The following RABGAP1L variants were observed in gnomAD, a reference collection of about 807,000 sequenced individuals.
RABGAP1L encodes the protein RAB GTPase activating protein 1 like, also known as rab GTPase-activating protein 1-like.
In RABGAP1L, 63 loss-of-function variants were observed where a neutral mutation model predicts 137.7. The ratio of observed to expected loss-of-function variants is 0.46; its 90% CI spans 0.37 to 0.56. The LOEUF is 0.56. Ranked by LOEUF, RABGAP1L falls within the 20% of genes least tolerant of loss-of-function variation. RABGAP1L has a pLI of 0.00. For missense variants in RABGAP1L, 1,095 were observed against 1,244.0 expected (o/e 0.88, Z 1.80); for synonymous variants, 431 against 433.7 (o/e 0.99, Z 0.08).
At chr1:174,281,794 A>G (rs766392961) in intron 10 of RABGAP1L, among the ~76,000 whole-genome samples, 9 of 152,152 alleles carry the variant, frequency 5.9e-5, no homozygotes, top group Non-Finnish European at 1.3e-4. Flanking sequence ...AGTTTTGACA[A>G]ATTTATACAC....
At chr1:174,414,221 C>T (rs1159142669) in intron 13 of RABGAP1L, among the ~76,000 whole-genome samples, 1 of 151,908 alleles carries the variant, frequency 6.6e-6, no homozygotes, top group East Asian at 1.9e-4. Context: ...CATGTTATCA[C>T]AGATCTTCAA....
intron 11 of RABGAP1L, among the ~76,000 whole-genome samples, chr1:174,327,881 A>G (rs1280681574): frequency 6.7e-6 from 1 of 150,118 alleles, no homozygotes; most frequent in Non-Finnish European, 1.5e-5. Context: ...CAAGTAAAAA[A>G]TTAGAAAAAG....
At chr1:174,904,759 C>T (rs942729471) in intron 19 of RABGAP1L, among the ~76,000 whole-genome samples, 5 of 152,112 alleles carry the variant, frequency 3.3e-5, no homozygotes, top group African/African-American at 1.2e-4. Flanking sequence ...AAGCAGTCCT[C>T]CTACCTCAGC....
In RABGAP1L at chr1:174,700,433, G is replaced by C. The variant is rs148326248; in HGVS notation, c.2025+783G>C. 2.6e-5 allele frequency: 4 copies of C among 152,398 alleles called. No homozygotes were observed. In the East Asian group the frequency reaches 7.7e-4, roughly 29 times the overall value. The allele number at this position is 152,398 out of a possible 1,614,324, so 9.4% of individuals were successfully genotyped here. A position where few individuals can be genotyped will look rare whatever the true frequency, so the allele number is the denominator to read the frequency against. Reference sequence around the variant, plus strand: ...TTCCATATTGGGGAAGGGTAAAATGGTTGAGGAAGGAGGTTCGTGGAATGT... The same window carrying C: ...TTCCATATTGGGGAAGGGTAAAATGCTTGAGGAAGGAGGTTCGTGGAATGT... On this transcript the variant is annotated intron_variant, in intron 16 of 25. Coordinates refer to ENST00000681986, the MANE Select transcript of RABGAP1L (RefSeq NM_001366446.1).
At chr1:174,891,634 T>TGGTACTTGGA (rs1193738735) in intron 19 of RABGAP1L, among the ~76,000 whole-genome samples, 4 of 152,228 alleles carry the variant, frequency 2.6e-5, no homozygotes, top group African/African-American at 9.6e-5. Flanking sequence ...CCCAAGTAGC[T>TGGTACTTGGA]GGTACTACAG....
At chr1:174,442,481 A>G (rs991889372) in intron 13 of RABGAP1L, among the ~76,000 whole-genome samples, 20 of 152,148 alleles carry the variant, frequency 1.3e-4, no homozygotes, top group Admixed American at 8.5e-4. Flanking sequence ...AGATTTTGGC[A>G]GTAACATGGT....
chr1:174,438,744 G>GTATATATA (rs71117563), intron 13 of RABGAP1L, among the ~76,000 whole-genome samples: 6,174 of 95,030 alleles, frequency 0.065, 286 homozygotes, highest in Middle Eastern at 0.099. Context: ...GTGTGTGTGT[G>GTATATATA]TATATATATA....
intron 5 of RABGAP1L, among the ~76,000 whole-genome samples, chr1:174,248,070 C>T (rs1170503040): frequency 6.6e-6 from 1 of 152,196 alleles, no homozygotes; most frequent in African/African-American, 2.4e-5. Context: ...TTACACTTGA[C>T]CTTGTAGGCA....
At chr1:174,249,218 C>T (rs779163817) in intron 5 of RABGAP1L, among the ~76,000 whole-genome samples, 16 of 152,122 alleles carry the variant, frequency 1.1e-4, no homozygotes, top group Non-Finnish European at 1.6e-4. Flanking sequence ...AAGACCATTT[C>T]AGCATTCATT....
rs150698776 is a variant in RABGAP1L at position 174,703,401 on chromosome 1, T to C, written c.2169+1145T>C. On this transcript the variant is annotated intron_variant, in intron 17 of 25. Transcript: ENST00000681986. ...TGGCCTCCAGTTCCATCCATGTTGC[T>C]GCTAATGACATGATTTTACTCTTTT... Among the ~76,000 whole-genome samples, 257 of 152,340 alleles carry C rather than the reference T, an allele frequency of 1.7e-3. 1 individual carries two copies. The highest frequency in any genetic ancestry group is 6.0e-3 in the African/African-American group (251 of 41,576).
intron 11 of RABGAP1L, among the ~76,000 whole-genome samples, chr1:174,365,494 C>A (rs1684532936): frequency 6.6e-6 from 1 of 151,972 alleles, no homozygotes; most frequent in Admixed American, 6.6e-5. Flanking sequence ...GCTTGCTGAG[C>A]AACTCAAGTT....
At chr1:174,513,782 C>G (rs1204998008) in intron 13 of RABGAP1L, among the ~76,000 whole-genome samples, 1 of 136,006 alleles carries the variant, frequency 7.4e-6, no homozygotes, top group Non-Finnish European at 1.5e-5. Context: ...TGGAATTTCT[C>G]TTAATGTTAT....
intron 19 of RABGAP1L, among the ~76,000 whole-genome samples, chr1:174,891,754 C>G (rs1285170871): frequency 6.6e-6 from 1 of 152,170 alleles, no homozygotes; most frequent in African/African-American, 2.4e-5. Context: ...ATCCTCCAGC[C>G]TCAGCCTCCC....
At chr1:174,943,928 A>G (rs1435990629) in intron 19 of RABGAP1L, among the ~76,000 whole-genome samples, 3 of 152,194 alleles carry the variant, frequency 2.0e-5, no homozygotes, top group African/African-American at 7.2e-5. Context: ...CATAGTAAAT[A>G]GTAAATAAAT....
Position 174,272,423 on chromosome 1 carries a change from A to C in RABGAP1L, c.996A>C (p.Gly332=). 6.2e-7 allele frequency: 1 copy of C among 1,602,224 alleles called. No homozygotes were observed. The highest frequency in any genetic ancestry group is 8.5e-7 in the Non-Finnish European group (1 of 1,175,614). The change falls in exon 8 of 26, where the codon GGA becomes GGC. Residue 332 remains glycine (G), a synonymous_variant. Transcript: ENST00000681986. ...NKELAIERCF[G]MLLSPGRNVK... is the part of the protein sequence containing the mutation. ...CCCCCAATATTTTCAGATGTTTTGGAATGTTATTAAGCCCAGGTCGAAACG... is the reference window on the plus strand; with the variant it reads ...CCCCCAATATTTTCAGATGTTTTGGCATGTTATTAAGCCCAGGTCGAAACG...
chr1:174,602,340 C>T (rs184550282), intron 13 of RABGAP1L, among the ~76,000 whole-genome samples: 10 of 152,078 alleles, frequency 6.6e-5, no homozygotes, highest in South Asian at 4.2e-4. Context: ...GAAGCAAAAG[C>T]GGAAACCCCT....
chr1:174,667,644 A>G (rs893564133), intron 14 of RABGAP1L, among the ~76,000 whole-genome samples: 5 of 152,202 alleles, frequency 3.3e-5, no homozygotes, highest in African/African-American at 1.2e-4. Context: ...CAGGTGGTCA[A>G]GTTTGCAGCA....
At chr1:174,368,935 T>A (rs1684868817) in intron 11 of RABGAP1L, among the ~76,000 whole-genome samples, 1 of 152,172 alleles carries the variant, frequency 6.6e-6, no homozygotes, top group Admixed American at 6.5e-5. Context: ...AATGTTTATT[T>A]CCTTTTCTCT....
chr1:174,637,575 A>G (rs1674164063), intron 14 of RABGAP1L, 87 bp downstream of exon 14: 2 of 921,006 alleles, frequency 2.2e-6, no homozygotes, highest in Non-Finnish European at 3.5e-6. Context: ...CTCTGTCTTC[A>G]TTTCTTATTT....
Sources: allele counts gnomAD v4.1 joint callset (sites outside exome capture counted in the v4.1 genomes callset), GRCh38; gene constraint gnomAD v4.1.1; transcripts MANE v1.5; gene names NCBI Gene and HGNC (gene_info 2026-07-23, HGNC 2026-07-21).